PGM2L1: variants seen among roughly 807,000 people sequenced by gnomAD.
PGM2L1 encodes glucose 1,6-bisphosphate synthase.
In PGM2L1, 35 loss-of-function variants were observed where a neutral mutation model predicts 73.4. That is an observed-to-expected ratio of 0.48 (90% CI 0.36 to 0.63). PGM2L1 has a LOEUF of 0.63. PGM2L1 is among the 30% of genes least tolerant of loss of function. The probability of loss-of-function intolerance (pLI) is 0.00; values close to 1 mark genes in which losing one functional copy is unlikely to be tolerated. For missense variants in PGM2L1, 570 were observed against 742.0 expected, an observed-to-expected ratio of 0.77 and a Z score of 2.69; for synonymous variants, 225 against 253.8, an observed-to-expected ratio of 0.89 and a Z score of 1.08.
At chr11:74,377,217 C>A (rs1021931513) in intron 1 of PGM2L1, among the ~76,000 whole-genome samples, 1 of 151,558 alleles carries the variant, frequency 6.6e-6, no homozygotes, top group African/African-American at 2.4e-5. Flanking sequence ...TCACTGCAAG[C>A]TCCGCCTCCC....
At chr11:74,353,430 C>A (rs1002329410) in intron 5 of PGM2L1, among the ~76,000 whole-genome samples, 1 of 151,486 alleles carries the variant, frequency 6.6e-6, no homozygotes, top group Non-Finnish European at 1.5e-5. Context: ...GGAAGGTCAG[C>A]AGATAAACAT....
intron 11 of PGM2L1, 26 bp downstream of exon 11, chr11:74,342,859 G>A: frequency 1.3e-6 from 2 of 1,555,220 alleles, no homozygotes; most frequent in Non-Finnish European, 1.7e-6. Flanking sequence ...AATCTAGCAT[G>A]TGAAATTCAT....
rs1299146010 is a variant in PGM2L1, at chr11:74,330,671, T to TA, written c.*5980dup. On this transcript the variant is annotated 3_prime_UTR_variant, in exon 14 of 14. Coordinates refer to ENST00000298198, the MANE Select transcript of PGM2L1 (RefSeq NM_173582.6). ...CTCTTGTAAGATACATGATGAATCATAACAGTGGACAAAAACATACCAAAT... is the reference window on the plus strand; with the variant it reads ...CTCTTGTAAGATACATGATGAATCATAAACAGTGGACAAAAACATACCAAAT... The TA allele has an allele frequency of 1.3e-5, 2 of 152,618 alleles. No homozygotes were observed. The highest frequency in any genetic ancestry group is 2.9e-5 in the Non-Finnish European group (2 of 68,026). 9.5% of individuals were successfully genotyped at this position (152,618 alleles called of 1,614,324 possible).
chr11:74,385,832 G>C (rs967937607), intron 1 of PGM2L1, among the ~76,000 whole-genome samples: 1 of 151,348 alleles, frequency 6.6e-6, no homozygotes, highest in Admixed American at 6.6e-5. Flanking sequence ...CTGAAATTAG[G>C]CTACAATTAT....
chr11:74,375,370 G>T (rs548266464), intron 1 of PGM2L1, among the ~76,000 whole-genome samples: 1 of 152,140 alleles, frequency 6.6e-6, no homozygotes, highest in Non-Finnish European at 1.5e-5. Flanking sequence ...CTTCACAAAA[G>T]AATATCAAAT....
chr11:74,398,087 C>A lies in PGM2L1; in HGVS notation c.75G>T (p.Leu25=). 6.2e-7 allele frequency: 1 copy of A among 1,612,760 alleles called. No homozygotes were observed. Among genetic ancestry groups the A allele is most frequent in the Non-Finnish European group, 8.5e-7 (1 of 1,179,200 alleles). ...HAPYHTGDPQ[L]DTAIGQWLRW... ...GGAGCCACTGCCCGATGGCCGTGTC[C>A]AGCTGAGGGTCCCCGGTGTGGTAGG... The change falls in exon 1 of 14, where the codon CTG becomes CTT. Residue 25 remains leucine, a synonymous_variant. Coordinates refer to ENST00000298198, the MANE Select transcript of PGM2L1 (RefSeq NM_173582.6).
intron 5 of PGM2L1, chr11:74,355,381 C>T (rs1396189895): frequency 4.6e-5 from 28 of 608,004 alleles, no homozygotes; most frequent in South Asian, 2.7e-4. Flanking sequence ...TGACAAACCC[C>T]GTCTCTACTA....
chr11:74,354,086 CA>C (rs1862404435), intron 5 of PGM2L1, among the ~76,000 whole-genome samples: 1 of 151,956 alleles, frequency 6.6e-6, no homozygotes, highest in South Asian at 2.1e-4. Flanking sequence ...GTACAGCAAC[CA>C]CCATGTGATG....
At chr11:74,346,858 G>T in intron 7 of PGM2L1, 29 bp from the exon 8 acceptor site, 2 of 1,524,736 alleles carry the variant, frequency 1.3e-6, no homozygotes, top group Non-Finnish European at 9.1e-7. Context: ...AAGCTGGATT[G>T]TACTGAAGAA....
At chr11:74,388,597 G>T (rs779804233) in intron 1 of PGM2L1, among the ~76,000 whole-genome samples, 1 of 152,126 alleles carries the variant, frequency 6.6e-6, no homozygotes, top group African/African-American at 2.4e-5. Context: ...TTACGTTAAA[G>T]AGGTTTTCTA....
intron 2 of PGM2L1, among the ~76,000 whole-genome samples, chr11:74,372,034 T>C (rs1862768742): frequency 6.6e-6 from 1 of 151,132 alleles, no homozygotes; most frequent in Non-Finnish European, 1.5e-5. Flanking sequence ...TTTAATACCA[T>C]GGAAATACCG....
At chr11:74,348,275 T>A (rs371466474) in intron 6 of PGM2L1, among the ~76,000 whole-genome samples, 4 of 152,088 alleles carry the variant, frequency 2.6e-5, no homozygotes, top group African/African-American at 9.7e-5. Context: ...ACTTTGTACA[T>A]CCTAACCTAC....
intron 2 of PGM2L1, among the ~76,000 whole-genome samples, chr11:74,373,049 T>C (rs945716118): frequency 2.0e-5 from 3 of 152,068 alleles, no homozygotes; most frequent in African/African-American, 4.8e-5. Context: ...AAAACCTCAA[T>C]TACTTTTGCA....
intron 5 of PGM2L1, among the ~76,000 whole-genome samples, chr11:74,365,739 T>C (rs1399567358): frequency 6.6e-6 from 1 of 152,106 alleles, no homozygotes; most frequent in East Asian, 1.9e-4. Flanking sequence ...TGTGGAGAAA[T>C]AGGAACACTT....
chr11:74,371,626 C>G, intron 3 of PGM2L1, 85 bp downstream of exon 3: 1 of 1,107,716 alleles, frequency 9.0e-7, no homozygotes, highest in South Asian at 1.3e-5. Flanking sequence ...TCTACTGTTT[C>G]AGAAATCCTA....
At chr11:74,391,675 T>A (rs1220228400) in intron 1 of PGM2L1, among the ~76,000 whole-genome samples, 1 of 152,204 alleles carries the variant, frequency 6.6e-6, no homozygotes, top group Non-Finnish European at 1.5e-5. Flanking sequence ...TTTTCCTGTA[T>A]CCATTGCTTT....
intron 13 of PGM2L1, among the ~76,000 whole-genome samples, chr11:74,337,301 A>G (rs1862112368): frequency 6.6e-6 from 1 of 152,244 alleles, no homozygotes; most frequent in African/African-American, 2.4e-5. Flanking sequence ...GTCATTTTAA[A>G]AGCTACACAA....
intron 1 of PGM2L1, among the ~76,000 whole-genome samples, chr11:74,386,652 C>T (rs1477781813): frequency 3.3e-5 from 5 of 151,902 alleles, no homozygotes; most frequent in South Asian, 2.1e-4. Context: ...ATTTTATTTA[C>T]TTTTTGTAGA....
intron 5 of PGM2L1, among the ~76,000 whole-genome samples, chr11:74,353,863 T>TCCCGGAC (rs1565437951): frequency 0.11 from 2,935 of 26,764 alleles, 585 homozygotes; most frequent in East Asian, 0.17. Flanking sequence ...ACCTCCCAGA[T>TCCCGGAC]GGGGTGGCTG....
Sources: gnomAD v4.1 joint callset for allele counts (sites outside exome capture counted in the v4.1 genomes callset) on GRCh38, gnomAD v4.1.1 for gene constraint, MANE v1.5 for transcripts, NCBI Gene and HGNC (gene_info 2026-07-23, HGNC 2026-07-21) for gene names.